The following DDX39B variants were observed in gnomAD, a reference collection of about 807,000 sequenced individuals.
DDX39B encodes the protein spliceosome RNA helicase DDX39B.
In DDX39B, 6 loss-of-function variants were observed where a neutral mutation model predicts 46.4. The observed-to-expected ratio is 0.13, with a 90% CI of 0.07 to 0.26. The LOEUF (loss-of-function observed/expected upper bound fraction) is 0.26. DDX39B is among the 10% of genes least tolerant of loss of function. The probability of loss-of-function intolerance (pLI) is 1.00; values close to 1 mark genes in which losing one functional copy is unlikely to be tolerated. For synonymous variants in DDX39B, 174 were observed against 199.4 expected (o/e 0.87, Z 1.07); for missense variants, 185 against 553.4 (o/e 0.33, Z 6.68).
Position 31,532,913 on chromosome 6 carries a change from T to TG in DDX39B, c.736-3dup, listed in dbSNP as rs755280697. 50 of 443,340 alleles carry TG rather than the reference T, an allele frequency of 1.1e-4. No individual in the cohort carries two copies. Among genetic ancestry groups the TG allele is most frequent in the Middle Eastern group, 6.9e-4 (1 of 1,440 alleles). 27.5% of individuals were successfully genotyped at this position (443,340 alleles called of 1,614,324 possible). On this transcript the variant is annotated splice_polypyrimidine_tract_variant and splice_region_variant and intron_variant, in intron 6 of 10. Coordinates refer to ENST00000396172, the MANE Select transcript of DDX39B (RefSeq NM_004640.7). ...ATCATCCACGAAGATCTCCATTGGC[T>TG]GGGGGGGAGGAAGGGGGTGGGGAAC...
At chr6:31,538,338 T>C (rs772854261) in intron 4 of DDX39B, among the ~76,000 whole-genome samples, 2 of 152,064 alleles carry the variant, frequency 1.3e-5, no homozygotes, top group Non-Finnish European at 2.9e-5. Flanking sequence ...GCATTTTTAG[T>C]AGAGAGAGGG....
chr6:31,541,253 G>A (rs1768404309), intron 1 of DDX39B: 2 of 530,332 alleles, frequency 3.8e-6, no homozygotes, highest in Non-Finnish European at 7.8e-6. Flanking sequence ...CAAGCCTTGT[G>A]TAATTAGCAT....
chr6:31,541,748 T>C (rs1768496834), intron 1 of DDX39B: 1 of 633,034 alleles, frequency 1.6e-6, no homozygotes, highest in Non-Finnish European at 3.0e-6. Flanking sequence ...GACACCATCT[T>C]GGATTGGGTC....
chr6:31,534,429 G>A lies in DDX39B; in HGVS notation c.735+938C>T, dbSNP rs556643114. The A allele has an allele frequency of 2.1e-6, 1 of 467,692 alleles. No individual in the cohort carries two copies. The highest frequency in any genetic ancestry group is 1.6e-5 in the South Asian group (1 of 64,278). The allele number at this position is 467,692 out of a possible 1,614,324, so 29.0% of individuals were successfully genotyped here. On this transcript the variant is annotated intron_variant, in intron 6 of 10. Transcript: ENST00000396172. The surrounding 1 kb of genome is among the most constrained non-coding windows in gnomAD (Gnocchi z 5.1). Reference sequence around the variant, plus strand: ...GGGAAGAACACACTCCACTGCTTATGCAATTGGCCCCACCTAGCCCCAAAC... The same window carrying A: ...GGGAAGAACACACTCCACTGCTTATACAATTGGCCCCACCTAGCCCCAAAC...
chr6:31,531,506 C>A lies in DDX39B; in HGVS notation c.868-101G>T. ...GAGGGGAGTTTCTAGTAATTACGTT[C>A]TCAGGAATTCCTCTTCATTTCTCTT... On this transcript the variant is annotated intron_variant, in intron 7 of 10. Transcript: ENST00000396172. The surrounding 1 kb of genome is among the most constrained non-coding windows in gnomAD (Gnocchi z 5.8). The A allele has an allele frequency of 2.2e-6, 2 of 923,652 alleles. No homozygotes were observed. The highest frequency in any genetic ancestry group is 3.4e-6 in the Non-Finnish European group (2 of 586,984). The allele number at this position is 923,652 out of a possible 1,614,324, so 57.2% of individuals were successfully genotyped here.
intron 1 of DDX39B, chr6:31,541,224 C>T (rs769810596): frequency 1.1e-5 from 6 of 533,350 alleles, no homozygotes; most frequent in Admixed American, 1.9e-5. Flanking sequence ...TCTCAGTATC[C>T]TCCCTTCCGC....
chr6:31,532,927 G>T lies in DDX39B; in HGVS notation c.736-16C>A, dbSNP rs1298107342. 3 of 1,241,740 alleles carry T rather than the reference G, an allele frequency of 2.4e-6. No homozygotes were observed. Among genetic ancestry groups the T allele is most frequent in the Non-Finnish European group, 3.3e-6 (3 of 908,074 alleles). The allele number at this position is 1,241,740 out of a possible 1,614,324, so 76.9% of individuals were successfully genotyped here. On this transcript the variant is annotated splice_polypyrimidine_tract_variant and intron_variant, in intron 6 of 10. Coordinates refer to ENST00000396172, the MANE Select transcript of DDX39B (RefSeq NM_004640.7). ...TCTCCATTGGCTGGGGGGGAGGAAG[G>T]GGGTGGGGAACGGGAGGAGGGCAGA...
intron 3 of DDX39B, 134 bp downstream of exon 3, chr6:31,539,013 A>G (rs770863639): frequency 3.3e-6 from 5 of 1,529,566 alleles, no homozygotes; most frequent in Non-Finnish European, 4.5e-6. Flanking sequence ...AACATCCCCC[A>G]CAGCTGTCAG....
At position 31,538,861 on chromosome 6, in the gene DDX39B, G is replaced by A. The variant is rs754602970; in HGVS notation, c.340-6C>T. On this transcript the variant is annotated splice_polypyrimidine_tract_variant and splice_region_variant and intron_variant, in intron 3 of 10. Coordinates refer to ENST00000396172, the MANE Select transcript of DDX39B (RefSeq NM_004640.7). ...CACATCACCAGTACAGACACCTTAGGCAGGAAGTAGACGGAGACATATGGT... is the reference window on the plus strand; with the variant it reads ...CACATCACCAGTACAGACACCTTAGACAGGAAGTAGACGGAGACATATGGT... The A allele has an allele frequency of 1.7e-5, 27 of 1,613,340 alleles. No homozygotes were observed. The highest frequency in any genetic ancestry group is 2.3e-5 in the Non-Finnish European group (27 of 1,179,458).
At chr6:31,537,940 C>T (rs747668083) in intron 4 of DDX39B, among the ~76,000 whole-genome samples, 5 of 151,994 alleles carry the variant, frequency 3.3e-5, no homozygotes, top group East Asian at 3.9e-4. Context: ...GGGGTTGAGG[C>T]GGGAGAATCG....
In DDX39B at chr6:31,534,489, T is replaced by C. The variant is rs1163234292; in HGVS notation, c.735+878A>G. ...CACCCGATTACATCCACTTTACCTT[T>C]CCTATGTCCCTCTCCTCTGAGTATT... On this transcript the variant is annotated intron_variant, in intron 6 of 10. Coordinates refer to ENST00000396172, the MANE Select transcript of DDX39B (RefSeq NM_004640.7). This position sits in a 1 kb window ranked among gnomAD's most constrained non-coding sequence, Gnocchi z 5.1. The C allele has an allele frequency of 8.5e-6, 4 of 470,754 alleles. No homozygotes were observed. Among genetic ancestry groups the C allele is most frequent in the Non-Finnish European group, 1.8e-5 (4 of 227,010 alleles). 29.2% of individuals were successfully genotyped at this position (470,754 alleles called of 1,614,324 possible).
chr6:31,530,966 GA>G lies in DDX39B; in HGVS notation c.1123-41del, dbSNP rs761605246. ...AGGGTAGCACTGGAAGACCGAAGAG[GA>G]AAGAGACCCAGAGGCAGGAATGAAG... On this transcript the variant is annotated intron_variant, in intron 9 of 10. Transcript: ENST00000396172. The surrounding 1 kb of genome is among the most constrained non-coding windows in gnomAD (Gnocchi z 4.5). 8 of 1,613,708 alleles carry G rather than the reference GA, an allele frequency of 5.0e-6. No homozygotes were observed. The highest frequency in any genetic ancestry group is 6.8e-6 in the Non-Finnish European group (8 of 1,179,670).
At position 31,531,204 on chromosome 6, in the gene DDX39B, G is replaced by A; in HGVS notation, c.978-7C>T. The A allele has an allele frequency of 6.2e-7, 1 of 1,614,134 alleles. No individual in the cohort carries two copies. The highest frequency in any genetic ancestry group is 1.1e-5 in the South Asian group (1 of 91,074). ...CTGCTGATACCGAGAAAGCCTTTGT[G>A]AGAAAGGAAATTTAAAACATGTTGA... On this transcript the variant is annotated splice_region_variant and splice_polypyrimidine_tract_variant and intron_variant, in intron 8 of 10. Transcript: ENST00000396172. This position sits in a 1 kb window ranked among gnomAD's most constrained non-coding sequence, Gnocchi z 5.8.
chr6:31,537,825 C>G (rs1243627643), intron 4 of DDX39B, among the ~76,000 whole-genome samples: 2 of 152,046 alleles, frequency 1.3e-5, no homozygotes, highest in African/African-American at 2.4e-5. Context: ...CACTTGAGGT[C>G]AGGAGTTCGA....
chr6:31,536,197 C>T (rs1013072857), intron 5 of DDX39B, among the ~76,000 whole-genome samples: 31 of 152,142 alleles, frequency 2.0e-4, no homozygotes, highest in African/African-American at 7.2e-4. Flanking sequence ...TTAGAATCTC[C>T]GCTATGACTC....
intron 7 of DDX39B, 132 bp downstream of exon 7, chr6:31,532,648 G>A (rs1171231534): frequency 2.4e-6 from 3 of 1,224,592 alleles, no homozygotes; most frequent in Admixed American, 2.2e-5. Flanking sequence ...CAGCCCCTAA[G>A]ATATTTATAC....
In DDX39B at chr6:31,531,916, T is replaced by TA. The variant is rs886099810; in HGVS notation, c.868-512dup. Reference sequence around the variant, plus strand: ...ACTGCAGCCTCCACCCTCCTGGGTTTAAGAGATCCTTCCACCTCAGCATCC... The same window carrying TA: ...ACTGCAGCCTCCACCCTCCTGGGTTTAAAGAGATCCTTCCACCTCAGCATCC... On this transcript the variant is annotated intron_variant, in intron 7 of 10. Coordinates refer to ENST00000396172, the MANE Select transcript of DDX39B (RefSeq NM_004640.7). The surrounding 1 kb of genome is among the most constrained non-coding windows in gnomAD (Gnocchi z 5.8). 6.6e-6 allele frequency among the ~76,000 whole-genome samples: 1 copy of TA among 152,056 alleles called. No homozygotes were observed. Among genetic ancestry groups the TA allele is most frequent in the African/African-American group, 2.4e-5 (1 of 41,406 alleles).
At chr6:31,541,735 G>C in intron 1 of DDX39B, 1 of 613,118 alleles carries the variant, frequency 1.6e-6, no homozygotes, top group South Asian at 1.5e-5. Flanking sequence ...CAATGGCGCC[G>C]AGGACACCAT....
chr6:31,541,698 C>T, intron 1 of DDX39B: 1 of 539,286 alleles, frequency 1.9e-6, no homozygotes, highest in Non-Finnish European at 3.7e-6. Context: ...GAGAAGAACC[C>T]ATTGGAAGAA....
Sources: gnomAD v4.1 joint callset for allele counts (sites outside exome capture counted in the v4.1 genomes callset) on GRCh38, gnomAD v4.1.1 for gene constraint, Gnocchi (gnomAD v3.1) non-coding constraint, MANE v1.5 for transcripts, NCBI Gene and HGNC (gene_info 2026-07-23, HGNC 2026-07-21) for gene names.